Variants in POPDC2 observed in about 807,000 individuals in gnomAD.
POPDC2 encodes the protein popeye domain cAMP effector 2, also known as popeye domain-containing protein 2.
A neutral mutation model predicts 30.5 loss-of-function variants in POPDC2; 24 were observed. The observed-to-expected ratio is 0.79, with a 90% CI of 0.57 to 1.11. The LOEUF (loss-of-function observed/expected upper bound fraction) is 1.11, where lower values mean the gene tolerates loss of function less well. Ranked by LOEUF, POPDC2 falls within the 50% of genes least tolerant of loss-of-function variation. The pLI, the probability that POPDC2 is intolerant of heterozygous loss-of-function variation, is 0.00. For missense variants in POPDC2, 409 were observed against 447.0 expected, an observed-to-expected ratio of 0.91 and a Z score of 0.77; for synonymous variants, 185 against 183.3, an observed-to-expected ratio of 1.01 and a Z score of -0.07.
At chr3:119,645,566 C>CAAAAA (rs201320482) in intron 3 of POPDC2, among the ~76,000 whole-genome samples, 111 of 114,614 alleles carry the variant, frequency 9.7e-4, no homozygotes, top group Non-Finnish European at 1.2e-3. Context: ...CCGTCTCAAA[C>CAAAAA]AAAAAAAAAA....
chr3:119,659,967 G>C lies in POPDC2; in HGVS notation c.457C>G (p.Pro153Ala), dbSNP rs772585480. ...EQTYAVEGET[P>A]INRLSLLLSG... ...AGCAGCAGGGACAGGCGGTTGATGG[G>C]TGTCTCACCCTCCACAGCATAGGTC... Residue 153 changes from proline to alanine, a missense_variant, in exon 1 of 4, where the codon CCC becomes GCC. Transcript: ENST00000493094. 6.2e-7 allele frequency: 1 copy of C among 1,602,120 alleles called. No individual in the cohort carries two copies. Among genetic ancestry groups the C allele is most frequent in the Non-Finnish European group, 8.5e-7 (1 of 1,170,428 alleles).
In POPDC2 at chr3:119,648,456, C is replaced by T. The variant is rs764256237; in HGVS notation, c.813G>A (p.Leu271=). 24 of 1,614,028 alleles carry T rather than the reference C, an allele frequency of 1.5e-5. No individual in the cohort carries two copies. Among genetic ancestry groups the T allele is most frequent in the Non-Finnish European group, 2.0e-5 (24 of 1,180,032 alleles). The change falls in exon 3 of 4, where the codon CTG becomes CTA. Residue 271 remains leucine (L), a synonymous_variant. Coordinates refer to ENST00000493094, the MANE Select transcript of POPDC2 (RefSeq NM_001369919.2). ...DIRLPSLYHV[L]GPTAADAGPE... ...GTCCAGCATCTGCAGCAGTGGGACC[C>T]AGGACATGGTAGAGGCTGGGAAGGC... is the stretch of plus-strand genomic sequence containing the variant.
intron 2 of POPDC2, among the ~76,000 whole-genome samples, chr3:119,652,380 C>T (rs2052821564): frequency 6.6e-6 from 1 of 152,184 alleles, no homozygotes; most frequent in South Asian, 2.1e-4. Context: ...AAGGCAAGGA[C>T]AGGATGAACT....
intron 2 of POPDC2, among the ~76,000 whole-genome samples, chr3:119,650,654 A>G (rs2052797597): frequency 6.6e-6 from 1 of 152,110 alleles, no homozygotes; most frequent in Non-Finnish European, 1.5e-5. Context: ...CCTCACCACT[A>G]AAGTATCCCA....
At chr3:119,657,805 T>C in intron 1 of POPDC2, among the ~76,000 whole-genome samples, 1 of 152,242 alleles carries the variant, frequency 6.6e-6, no homozygotes, top group East Asian at 1.9e-4. Context: ...CTTGATCTAC[T>C]GGAAGATGGA....
chr3:119,645,566 C>CAAA (rs201320482), intron 3 of POPDC2, among the ~76,000 whole-genome samples: 2,386 of 115,374 alleles, frequency 0.021, 55 homozygotes, highest in Middle Eastern at 0.035. Flanking sequence ...CCGTCTCAAA[C>CAAA]AAAAAAAAAA....
At chr3:119,653,023 A>C (rs75931617) in intron 2 of POPDC2, among the ~76,000 whole-genome samples, 1 of 17,972 alleles carries the variant, frequency 5.6e-5, no homozygotes, top group East Asian at 2.8e-3. Context: ...TAAAAGGGTG[A>C]GTGAGTGTGT....
intron 2 of POPDC2, among the ~76,000 whole-genome samples, chr3:119,649,163 G>GA (rs2052783052): frequency 6.6e-6 from 1 of 152,130 alleles, no homozygotes; most frequent in Non-Finnish European, 1.5e-5. Context: ...TTCTGATGAG[G>GA]TATGCCAAGC....
intron 2 of POPDC2, among the ~76,000 whole-genome samples, chr3:119,649,921 C>T (rs182920339): frequency 5.5e-4 from 84 of 152,274 alleles, no homozygotes; most frequent in African/African-American, 1.8e-3. Flanking sequence ...ACCTAAACTA[C>T]GTTATCGAGG....
At position 119,660,222 on chromosome 3, in the gene POPDC2, C is replaced by G. The variant is rs2052926591; in HGVS notation, c.202G>C (p.Gly68Arg). Reference protein sequence around the residue: ...SAGYLCCVLWGWFSACGLDIV... With the variant: ...SAGYLCCVLWRWFSACGLDIV... ...TCCAGGCCACAGGCACTGAACCAGC[C>G]CCACAGCACGCAGCACAGGTAACCT... The change falls in exon 1 of 4, where the codon GGC becomes CGC. Residue 68 changes from glycine (G) to arginine (R), a missense_variant. Physicochemically the swap from Gly to Arg is moderately radical, Grantham distance 125. Coordinates refer to ENST00000493094, the MANE Select transcript of POPDC2 (RefSeq NM_001369919.2). 1 of 1,614,062 alleles carries G rather than the reference C, an allele frequency of 6.2e-7. No individual in the cohort carries two copies.
chr3:119,653,479 CTTTT>C (rs762463587), intron 2 of POPDC2, among the ~76,000 whole-genome samples: 2 of 140,004 alleles, frequency 1.4e-5, no homozygotes, highest in South Asian at 2.3e-4. Flanking sequence ...TTCAGCAATT[CTTTT>C]TTTTTTTTTT....
chr3:119,652,618 C>T (rs909012168), intron 2 of POPDC2, among the ~76,000 whole-genome samples: 2 of 152,188 alleles, frequency 1.3e-5, no homozygotes, highest in African/African-American at 4.8e-5. Context: ...CCTGTTCCTC[C>T]GTGTCAGTGT....
intron 2 of POPDC2, among the ~76,000 whole-genome samples, chr3:119,651,441 G>A (rs1428386444): frequency 6.7e-6 from 1 of 149,934 alleles, no homozygotes; most frequent in African/African-American, 2.5e-5. Context: ...ATGGCTTTTT[G>A]TCTCCCCCAT....
intron 1 of POPDC2, 185 bp from the exon 2 acceptor site, chr3:119,654,798 C>CCT: frequency 1.8e-6 from 1 of 560,552 alleles, no homozygotes; most frequent in Non-Finnish European, 3.2e-6. Flanking sequence ...AGAAAAGGAA[C>CCT]CCATTGAGAC....
At chr3:119,658,182 T>C (rs991246519) in intron 1 of POPDC2, among the ~76,000 whole-genome samples, 3 of 152,136 alleles carry the variant, frequency 2.0e-5, no homozygotes, top group African/African-American at 7.2e-5. Flanking sequence ...CCTTTAAAAC[T>C]AGAGCCCAGT....
intron 2 of POPDC2, among the ~76,000 whole-genome samples, chr3:119,650,809 A>T (rs2052799352): frequency 6.6e-6 from 1 of 152,208 alleles, no homozygotes. Context: ...TGAATTTCAG[A>T]CTTAAATATC....
intron 3 of POPDC2, among the ~76,000 whole-genome samples, chr3:119,645,566 C>CAAAAAAAA (rs201320482): frequency 1.7e-5 from 2 of 115,320 alleles, no homozygotes; most frequent in African/African-American, 3.3e-5. Context: ...CCGTCTCAAA[C>CAAAAAAAA]AAAAAAAAAA....
chr3:119,651,073 C>T (rs2052802650), intron 2 of POPDC2, among the ~76,000 whole-genome samples: 2 of 152,166 alleles, frequency 1.3e-5, no homozygotes, highest in Admixed American at 1.3e-4. Flanking sequence ...TGCTATGGCC[C>T]TACATGATCT....
Position 119,647,376 on chromosome 3 carries a change from A to G in POPDC2, c.*43+743T>C, listed in dbSNP as rs544469934. ...GCAATTTCCCAGAACCACTGGGCAC[A>G]GCCTTTCTTGTAGACTCTCTGGGAG... On this transcript the variant is annotated intron_variant, in intron 3 of 3. Coordinates refer to ENST00000493094, the MANE Select transcript of POPDC2 (RefSeq NM_001369919.2). Among the ~76,000 whole-genome samples the G allele has an allele frequency of 1.9e-4, 29 of 152,338 alleles. No homozygotes were observed. The South Asian group carries it at 6.0e-3, about 32-fold the overall frequency.
Sources: gnomAD v4.1 joint callset for allele counts (sites outside exome capture counted in the v4.1 genomes callset) on GRCh38, gnomAD v4.1.1 for gene constraint, MANE v1.5 for transcripts, NCBI Gene and HGNC (gene_info 2026-07-23, HGNC 2026-07-21) for gene names.